The following TPI1 variants were observed in gnomAD, a reference collection of about 807,000 sequenced individuals.
TPI1 encodes triosephosphate isomerase 1, also known as triosephosphate isomerase.
In TPI1, 11 loss-of-function variants were observed where a neutral mutation model predicts 31.0. The ratio of observed to expected loss-of-function variants is 0.36; its 90% CI spans 0.22 to 0.59. The LOEUF is 0.59. Ranked by LOEUF, TPI1 falls within the 20% of genes least tolerant of loss-of-function variation. The pLI is 0.79. For missense variants in TPI1, 245 were observed against 319.7 expected (o/e 0.77, Z 1.78); for synonymous variants, 121 against 122.8 (o/e 0.99, Z 0.10).
At chr12:6,868,544 T>A in intron 1 of TPI1, 1 of 1,291,688 alleles carries the variant, frequency 7.7e-7, no homozygotes, top group Non-Finnish European at 1.0e-6. Flanking sequence ...GAAGCAGGGT[T>A]GCTCCCTGGA....
intron 2 of TPI1, 56 bp downstream of exon 2, chr12:6,869,043 G>A: frequency 6.2e-7 from 1 of 1,614,122 alleles, no homozygotes; most frequent in East Asian, 2.2e-5. Flanking sequence ...TCCTCGTTGA[G>A]GGGAAAGCCA....
At position 6,870,804 on chromosome 12, in the gene TPI1, G is replaced by T. The variant is rs1555132993; in HGVS notation, c.*421G>T. 3 of 515,852 alleles carry T rather than the reference G, an allele frequency of 5.8e-6. No homozygotes were observed. Among genetic ancestry groups the T allele is most frequent in the South Asian group, 3.1e-5 (2 of 65,114 alleles). 32.0% of individuals were successfully genotyped at this position (515,852 alleles called of 1,614,324 possible). A position where few individuals can be genotyped will look rare whatever the true frequency, so the allele number is the denominator to read the frequency against. On this transcript the variant is annotated 3_prime_UTR_variant, in exon 7 of 7. Transcript: ENST00000396705. The stretch of plus-strand genomic sequence containing the variant: ...TGTGCTGTGTATGTGAACCACCCAT[G>T]TGAGGGAATAAACCTGGCACTAGGT...
intron 1 of TPI1, among the ~76,000 whole-genome samples, 172 bp downstream of exon 1, chr12:6,867,853 C>A (rs782658136): frequency 1.3e-5 from 2 of 152,120 alleles, no homozygotes; most frequent in Admixed American, 6.5e-5. Flanking sequence ...CAGCCGCAGC[C>A]CCGTCGGTGC....
Position 6,870,851 on chromosome 12 carries a change from C to T in TPI1, c.*468C>T, listed in dbSNP as rs1555133017. On this transcript the variant is annotated 3_prime_UTR_variant, in exon 7 of 7. Coordinates refer to ENST00000396705, the MANE Select transcript of TPI1 (RefSeq NM_000365.6). The stretch of plus-strand genomic sequence containing the variant: ...AGGTCTTGTGGTTTGTCTGCCTTCA[C>T]TGGACTTGCCCAGATAATCTTCCTT... 1 of 550,312 alleles carries T rather than the reference C, an allele frequency of 1.8e-6. No homozygotes were observed. 34.1% of individuals were successfully genotyped at this position (550,312 alleles called of 1,614,324 possible).
Position 6,869,380 on chromosome 12 carries a change from G to T in TPI1, c.447G>T (p.Lys149Asn). The change falls in exon 4 of 7, where the codon AAG becomes AAT. Residue 149 changes from lysine (K) to asparagine (N), a missense_variant. Physicochemically the swap from Lys to Asn is moderately conservative, Grantham distance 94. This residue lies in a region of TPI1 where 127 missense variants were observed against 163.7 expected (regional missense o/e 0.78). Coordinates refer to ENST00000396705, the MANE Select transcript of TPI1 (RefSeq NM_000365.6). ...ITEKVVFEQT[K>N]VIADNVKDWS... ...AGAAGGTTGTTTTCGAGCAGACAAA[G>T]GTCATCGCAGGTATCTCTGGAGAAA... 6.2e-7 allele frequency: 1 copy of T among 1,614,104 alleles called. No individual in the cohort carries two copies. The highest frequency in any genetic ancestry group is 1.3e-5 in the African/African-American group (1 of 75,032).
intron 5 of TPI1, 136 bp downstream of exon 5, chr12:6,869,909 ATCC>A: frequency 7.2e-7 from 1 of 1,388,788 alleles, no homozygotes; most frequent in Non-Finnish European, 1.0e-6. Flanking sequence ...GTCCAAGGGC[ATCC>A]AGTCCAGGGC....
chr12:6,867,941 A>G (rs1421781254), intron 1 of TPI1, among the ~76,000 whole-genome samples: 1 of 152,092 alleles, frequency 6.6e-6, no homozygotes, highest in Admixed American at 6.5e-5. Flanking sequence ...TCCTGGAGGA[A>G]GGTGGCCCCG....
Position 6,869,363 on chromosome 12 carries a change from G to C in TPI1, c.430G>C (p.Val144Leu), listed in dbSNP as rs782166025. 1.9e-6 allele frequency: 3 copies of C among 1,614,142 alleles called. No homozygotes were observed. Among genetic ancestry groups the C allele is most frequent in the Non-Finnish European group, 1.7e-6 (2 of 1,180,022 alleles). ...EREAGITEKV[V>L]FEQTKVIADN... The stretch of plus-strand genomic sequence containing the variant: ...GGAAGCTGGCATCACTGAGAAGGTT[G>C]TTTTCGAGCAGACAAAGGTCATCGC... The change falls in exon 4 of 7, where the codon GTT becomes CTT. Residue 144 changes from valine (V) to leucine (L), a missense_variant. Coordinates refer to ENST00000396705, the MANE Select transcript of TPI1 (RefSeq NM_000365.6).
intron 1 of TPI1, chr12:6,868,116 C>A (rs1555131756): frequency 3.1e-6 from 4 of 1,271,606 alleles, no homozygotes; most frequent in Non-Finnish European, 4.1e-6. Context: ...TCCCCTTCCT[C>A]GCCGGCGTCC....
At chr12:6,869,552 C>T (rs1944537676) in intron 4 of TPI1, 136 bp from the exon 5 acceptor site, 2 of 1,472,882 alleles carry the variant, frequency 1.4e-6, no homozygotes, top group African/African-American at 1.4e-5. Context: ...TTCTCCAGCC[C>T]CAAGGTAGAT....
At chr12:6,868,577 C>A in intron 1 of TPI1, 2 of 1,325,710 alleles carry the variant, frequency 1.5e-6, no homozygotes, top group African/African-American at 1.5e-5. Context: ...TGTGAGGTGC[C>A]TATGCCGAGA....
intron 1 of TPI1, 39 bp from the exon 2 acceptor site, chr12:6,868,825 C>G: frequency 6.3e-7 from 1 of 1,598,764 alleles, no homozygotes; most frequent in East Asian, 2.2e-5. Flanking sequence ...TGAAGGCTTT[C>G]TTTAGTCTCA....
At chr12:6,868,576 C>A in intron 1 of TPI1, 1 of 1,322,776 alleles carries the variant, frequency 7.6e-7, no homozygotes, top group Non-Finnish European at 9.8e-7. Context: ...CTGTGAGGTG[C>A]CTATGCCGAG....
intron 1 of TPI1, chr12:6,868,623 G>C: frequency 7.3e-7 from 1 of 1,362,626 alleles, no homozygotes; most frequent in Non-Finnish European, 9.6e-7. Context: ...GCTGTTAAAA[G>C]AGCAGAGGGC....
chr12:6,867,950 C>T (rs1944493910), intron 1 of TPI1: 1 of 791,138 alleles, frequency 1.3e-6, no homozygotes, highest in Non-Finnish European at 1.8e-6. Context: ...AAGGTGGCCC[C>T]GGGGCGCGCA....
In TPI1 at chr12:6,867,620, G is replaced by A; in HGVS notation, c.54G>A (p.Arg18=). Residue 18 remains arginine (R), a synonymous_variant, in exon 1 of 7, where the codon CGG becomes CGA. Transcript: ENST00000396705. ...FVGGNWKMNG[R]KQSLGELIGT... ...GGGGAAACTGGAAGATGAACGGGCG[G>A]AAGCAGAGTCTGGGGGAGCTCATCG... 6.2e-7 allele frequency: 1 copy of A among 1,613,068 alleles called. No homozygotes were observed. The highest frequency in any genetic ancestry group is 1.3e-5 in the African/African-American group (1 of 74,992).
intron 1 of TPI1, chr12:6,867,996 C>G (rs1041504557): frequency 1.8e-6 from 2 of 1,104,826 alleles, no homozygotes; most frequent in Non-Finnish European, 2.4e-6. Flanking sequence ...GGGTTAGGAG[C>G]GGAGCCCGAG....
At chr12:6,870,180 CTAGACTGAGCCCTCGGA>C (rs782310041) in intron 6 of TPI1, 44 bp downstream of exon 6, 1 of 1,597,982 alleles carries the variant, frequency 6.3e-7, no homozygotes, top group Non-Finnish European at 8.6e-7. Context: ...GGGCTGAGGA[CTAGACTGAGCCCTCGGA>C]CATGGAGGTG....
chr12:6,868,693 C>A (rs1322883424), intron 1 of TPI1, 171 bp from the exon 2 acceptor site: 2 of 1,372,122 alleles, frequency 1.5e-6, no homozygotes, highest in Admixed American at 2.0e-5. Context: ...GAGTGCAGAC[C>A]CAGCCTGGGC....
Sources: allele counts gnomAD v4.1 joint callset (sites outside exome capture counted in the v4.1 genomes callset), GRCh38; gene constraint gnomAD v4.1.1; regional missense constraint gnomAD v4.1.1; transcripts MANE v1.5; gene names NCBI Gene and HGNC (gene_info 2026-07-23, HGNC 2026-07-21).